NFU1: variants seen among roughly 807,000 people sequenced by gnomAD.
NFU1 encodes NFU1 iron-sulfur cluster scaffold.
Under a neutral mutation model 32.2 loss-of-function variants are expected in NFU1, and 30 were observed. The observed-to-expected ratio is 0.93, with a 90% CI of 0.70 to 1.26. The LOEUF (loss-of-function observed/expected upper bound fraction) is 1.26, where lower values mean the gene tolerates loss of function less well. Among genes scored for constraint, NFU1 ranks in the 50% most tolerant of loss-of-function variants. NFU1 has a pLI of 0.00. For synonymous variants in NFU1, 112 were observed against 104.6 expected, an observed-to-expected ratio of 1.07 and a Z score of -0.43; for missense variants, 306 against 306.6, an observed-to-expected ratio of 1.00 and a Z score of 0.02.
At chr2:69,406,445 C>G (rs1672697910) in intron 5 of NFU1, among the ~76,000 whole-genome samples, 1 of 152,132 alleles carries the variant, frequency 6.6e-6, no homozygotes, top group African/African-American at 2.4e-5. Context: ...TTGATGGAAA[C>G]TTTGAGACAA....
chr2:69,428,149 C>T (rs895014548), intron 2 of NFU1, among the ~76,000 whole-genome samples: 10 of 152,128 alleles, frequency 6.6e-5, no homozygotes, highest in Admixed American at 2.0e-4. Flanking sequence ...CCTGGCCGGG[C>T]GCAGTGGGTT....
At position 69,399,388 on chromosome 2, in the gene NFU1, G is replaced by C. The variant is rs746996953; in HGVS notation, c.720+976C>G. ...CAAGGTGCTGTGTTATACTCCTTAG[G>C]TATGTTGGCAAAAAAAAAAATGTTG... On this transcript the variant is annotated intron_variant, in intron 7 of 7. Coordinates refer to ENST00000410022, the MANE Select transcript of NFU1 (RefSeq NM_001002755.4). The C allele has an allele frequency of 9.2e-5, 42 of 454,688 alleles. No individual in the cohort carries two copies. The Middle Eastern group carries it at 2.6e-3, about 28-fold the overall frequency. 28.2% of individuals were successfully genotyped at this position (454,688 alleles called of 1,614,324 possible).
chr2:69,432,040 A>G, intron 1 of NFU1, 35 bp from the exon 2 acceptor site: 1 of 1,403,426 alleles, frequency 7.1e-7, no homozygotes, highest in Non-Finnish European at 1.0e-6. Flanking sequence ...TGACATTTTA[A>G]GAGCTCTAAT....
rs1414009418 is a variant in NFU1, at chr2:69,397,910, G to C, written c.721-1620C>G. On this transcript the variant is annotated intron_variant, in intron 7 of 7. Coordinates refer to ENST00000410022, the MANE Select transcript of NFU1 (RefSeq NM_001002755.4). ...GCCTGGGCAACAAGAGTGAAACTAC[G>C]TCTCAAAAAAAAAAAAAAAAAAAAT... Among the ~76,000 whole-genome samples the C allele has an allele frequency of 8.7e-5, 7 of 80,812 alleles. No individual in the cohort carries two copies. The Admixed American group carries it at 9.3e-4, about 11-fold the overall frequency. The allele number at this position is 80,812 out of a possible 152,430, so 53.0% of individuals were successfully genotyped here.
At chr2:69,414,056 A>G (rs1482257101) in intron 5 of NFU1, among the ~76,000 whole-genome samples, 1 of 152,164 alleles carries the variant, frequency 6.6e-6, no homozygotes, top group Non-Finnish European at 1.5e-5. Flanking sequence ...CCAAAAATAA[A>G]TAAATAAAAA....
At chr2:69,399,919 CTGGAG>C (rs1407033716) in intron 7 of NFU1, among the ~76,000 whole-genome samples, 1 of 151,030 alleles carries the variant, frequency 6.6e-6, no homozygotes, top group Non-Finnish European at 1.5e-5. Flanking sequence ...GTTGCCCAGG[CTGGAG>C]TGCAATGGCG....
chr2:69,415,099 A>G, intron 5 of NFU1, 86 bp downstream of exon 5: 4 of 744,678 alleles, frequency 5.4e-6, no homozygotes, highest in East Asian at 2.7e-5. Context: ...CTAGATTCCT[A>G]TGACTTCTGA....
chr2:69,430,880 T>C (rs1235529609), intron 2 of NFU1, among the ~76,000 whole-genome samples: 2 of 152,174 alleles, frequency 1.3e-5, no homozygotes, highest in Non-Finnish European at 2.9e-5. Context: ...GCCACAGGAA[T>C]GTGTTCAAGC....
At chr2:69,406,465 C>T (rs924581870) in intron 5 of NFU1, among the ~76,000 whole-genome samples, 1 of 152,178 alleles carries the variant, frequency 6.6e-6, no homozygotes, top group African/African-American at 2.4e-5. Context: ...AAAAGGCACA[C>T]CTACTTTGTA....
At chr2:69,403,101 C>T (rs995125965) in intron 6 of NFU1, among the ~76,000 whole-genome samples, 3 of 151,178 alleles carry the variant, frequency 2.0e-5, no homozygotes, top group Non-Finnish European at 2.9e-5. Flanking sequence ...CCAGGCTGGT[C>T]TCAAACTCCT....
chr2:69,417,491 AT>A (rs202240922), intron 4 of NFU1, among the ~76,000 whole-genome samples: 9,705 of 109,436 alleles, frequency 0.089, 950 homozygotes, highest in African/African-American at 0.24. Context: ...ATAAAAAAAA[AT>A]AAAAAAAAAA....
At chr2:69,417,902 C>A (rs1156369672) in intron 4 of NFU1, among the ~76,000 whole-genome samples, 2 of 149,358 alleles carry the variant, frequency 1.3e-5, no homozygotes, top group African/African-American at 4.9e-5. Context: ...CACATTTTTA[C>A]CTATAAAAAT....
intron 2 of NFU1, among the ~76,000 whole-genome samples, chr2:69,427,622 G>A (rs916882606): frequency 2.1e-5 from 3 of 145,650 alleles, no homozygotes; most frequent in Admixed American, 1.4e-4. Context: ...GGAGCTTGCA[G>A]TGAGCCAAGA....
rs200956116 is a variant in NFU1 at position 69,431,969 on chromosome 2, C to T, written c.99G>A (p.Lys33=). The change falls in exon 2 of 8, where the codon AAG becomes AAA. Residue 33 remains lysine, a synonymous_variant. Coordinates refer to ENST00000410022, the MANE Select transcript of NFU1 (RefSeq NM_001002755.4). ...CHMLKNPYTI[K]KQPLHQFVQR... is the part of the protein sequence containing the mutation. ...GTACAAACTGATGCAGAGGCTGTTT[C>T]TTAATGGTGTATGGATTCTTCAACA... 6.2e-7 allele frequency: 1 copy of T among 1,613,530 alleles called. No homozygotes were observed. Among genetic ancestry groups the T allele is most frequent in the Non-Finnish European group, 8.5e-7 (1 of 1,179,586 alleles).
intron 2 of NFU1, among the ~76,000 whole-genome samples, chr2:69,425,208 G>A (rs1459798177): frequency 6.6e-6 from 1 of 151,818 alleles, no homozygotes; most frequent in Non-Finnish European, 1.5e-5. Flanking sequence ...ATCTGTGGAG[G>A]TGGAATCTCC....
chr2:69,401,936 C>T (rs1008914515), intron 6 of NFU1, among the ~76,000 whole-genome samples: 1 of 151,608 alleles, frequency 6.6e-6, no homozygotes, highest in South Asian at 2.1e-4. Flanking sequence ...CTCTGTTGCC[C>T]AGGCTGGAGT....
intron 1 of NFU1, among the ~76,000 whole-genome samples, chr2:69,435,068 G>A (rs1485362512): frequency 4.6e-5 from 7 of 152,178 alleles, no homozygotes; most frequent in African/African-American, 9.7e-5. Flanking sequence ...TCTTAGGACC[G>A]CCAGAATAAT....
At chr2:69,433,148 T>TC (rs1391936466) in intron 1 of NFU1, among the ~76,000 whole-genome samples, 2 of 57,338 alleles carry the variant, frequency 3.5e-5, no homozygotes, top group African/African-American at 1.3e-4. Context: ...AGACTCCATC[T>TC]CCAAAAAAAA....
chr2:69,429,819 T>A, intron 2 of NFU1: 1 of 155,474 alleles, frequency 6.4e-6, no homozygotes, highest in Non-Finnish European at 1.4e-5. Context: ...ACTTGAGCTC[T>A]GGAGTTCAAG....
Sources: allele counts gnomAD v4.1 joint callset (sites outside exome capture counted in the v4.1 genomes callset), GRCh38; gene constraint gnomAD v4.1.1; transcripts MANE v1.5; gene names NCBI Gene and HGNC (gene_info 2026-07-23, HGNC 2026-07-21).